The following GALNT13 variants were observed in gnomAD, a reference collection of about 807,000 sequenced individuals.
The protein encoded by GALNT13 is UDP-GalNAc:polypeptide N-acetylgalactosaminyltransferase 13.
GALNT13 carries 28 observed loss-of-function variants against 64.2 expected under a neutral mutation model. That is an observed-to-expected ratio of 0.44 (90% CI 0.32 to 0.60). The LOEUF is 0.60. Among genes scored for constraint, GALNT13 ranks in the 20% least tolerant of loss-of-function variants. The pLI is 0.05. For synonymous variants in GALNT13, 214 were observed against 224.6 expected, an observed-to-expected ratio of 0.95 and a Z score of 0.42; for missense variants, 577 against 669.8, an observed-to-expected ratio of 0.86 and a Z score of 1.53.
At chr2:153,242,179 C>T in the GALNT13 span, among the ~76,000 whole-genome samples, 1 of 152,150 alleles carries the variant, frequency 6.6e-6, no homozygotes, top group African/African-American at 2.4e-5. Context: ...AGCTCAGTAG[C>T]TAAGCCTTTA....
At chr2:153,084,569 G>A in the GALNT13 span, among the ~76,000 whole-genome samples, 1 of 152,120 alleles carries the variant, frequency 6.6e-6, no homozygotes, top group African/African-American at 2.4e-5. Context: ...ATTAAATTAT[G>A]GGGGCTGTTT....
the GALNT13 span, among the ~76,000 whole-genome samples, chr2:153,722,724 G>A: frequency 6.6e-6 from 1 of 152,182 alleles, no homozygotes; most frequent in South Asian, 2.1e-4. Context: ...TACATTCCTT[G>A]ACACATACAC....
chr2:154,002,460 G>C (rs1361542334), intron 3 of GALNT13, among the ~76,000 whole-genome samples: 3 of 151,438 alleles, frequency 2.0e-5, no homozygotes, highest in Non-Finnish European at 4.4e-5. Flanking sequence ...TTCTGGTGAG[G>C]TTTTTAATTC....
chr2:153,902,233 G>A (rs1688284662), intron 2 of GALNT13, among the ~76,000 whole-genome samples: 1 of 151,986 alleles, frequency 6.6e-6, no homozygotes, highest in Non-Finnish European at 1.5e-5. Flanking sequence ...AATCGTTCAT[G>A]CTCCCACACT....
chr2:154,418,482 C>T (rs749509588), intron 11 of GALNT13, among the ~76,000 whole-genome samples: 8 of 152,040 alleles, frequency 5.3e-5, no homozygotes, highest in Non-Finnish European at 8.8e-5. Context: ...GTGATGTGAC[C>T]ATAGTGGCAG....
the GALNT13 span, chr2:153,159,246 C>T: frequency 1.3e-5 from 2 of 152,196 alleles, no homozygotes; most frequent in South Asian, 4.1e-4. Flanking sequence ...CTCTACCATA[C>T]CAGTAGTAGA....
the GALNT13 span, among the ~76,000 whole-genome samples, chr2:153,432,717 G>A: frequency 5.3e-5 from 8 of 151,910 alleles, no homozygotes; most frequent in South Asian, 8.3e-4. Context: ...TTTGGCTGGG[G>A]GGTGGGGAGG....
At chr2:153,694,137 A>G in the GALNT13 span, among the ~76,000 whole-genome samples, 2 of 152,132 alleles carry the variant, frequency 1.3e-5, no homozygotes, top group Admixed American at 1.3e-4. Flanking sequence ...AGCAATCGTG[A>G]AATTACTGCT....
At chr2:153,587,005 A>G in the GALNT13 span, among the ~76,000 whole-genome samples, 1 of 152,020 alleles carries the variant, frequency 6.6e-6, no homozygotes, top group Non-Finnish European at 1.5e-5. Context: ...TCTGAGGCAG[A>G]TGGATCATTT....
chr2:154,158,352 T>C (rs1177187488), intron 4 of GALNT13, among the ~76,000 whole-genome samples: 1 of 152,164 alleles, frequency 6.6e-6, no homozygotes, highest in Non-Finnish European at 1.5e-5. Flanking sequence ...AACATCTGAC[T>C]CATCATCTCA....
At chr2:153,827,208 TC>T in the GALNT13 span, among the ~76,000 whole-genome samples, 1 of 152,132 alleles carries the variant, frequency 6.6e-6, no homozygotes, top group South Asian at 2.1e-4. Flanking sequence ...CCATTAGATC[TC>T]CTGGGACTTA....
chr2:154,152,450 T>G (rs1684102411), intron 4 of GALNT13, among the ~76,000 whole-genome samples: 1 of 152,200 alleles, frequency 6.6e-6, no homozygotes, highest in Admixed American at 6.5e-5. Flanking sequence ...TGGCGTTCTC[T>G]GTATTTCCTG....
chr2:153,643,544 C>CA, the GALNT13 span, among the ~76,000 whole-genome samples: 6 of 151,516 alleles, frequency 4.0e-5, no homozygotes, highest in South Asian at 1.2e-3. Context: ...ACCAAATTCT[C>CA]AAAAAATAAG....
chr2:154,198,530 C>A (rs1393707313), intron 4 of GALNT13, among the ~76,000 whole-genome samples: 1 of 151,752 alleles, frequency 6.6e-6, no homozygotes, highest in African/African-American at 2.4e-5. Context: ...GATGTGACTA[C>A]CATCCTGGAA....
At chr2:153,692,455 T>C in the GALNT13 span, among the ~76,000 whole-genome samples, 2 of 152,340 alleles carry the variant, frequency 1.3e-5, no homozygotes, top group African/African-American at 2.4e-5. Context: ...TTTTGGTCAG[T>C]AGAGAAGACA....
At chr2:153,158,025 G>T in the GALNT13 span, among the ~76,000 whole-genome samples, 11 of 152,008 alleles carry the variant, frequency 7.2e-5, no homozygotes, top group Non-Finnish European at 2.9e-5. Flanking sequence ...AATACCAATT[G>T]TTCTTTTTAC....
intron 2 of GALNT13, among the ~76,000 whole-genome samples, chr2:153,929,230 A>G (rs1024764423): frequency 6.6e-6 from 1 of 152,166 alleles, no homozygotes; most frequent in Non-Finnish European, 1.5e-5. Flanking sequence ...TGCCTATCAG[A>G]CAATGTGAGG....
intron 3 of GALNT13, among the ~76,000 whole-genome samples, chr2:154,079,435 A>C (rs1369462515): frequency 6.6e-6 from 1 of 151,626 alleles, no homozygotes; most frequent in East Asian, 1.9e-4. Context: ...AATTGATAAA[A>C]AATATATATA....
chr2:154,424,232 A>C (rs1361776983), intron 11 of GALNT13, among the ~76,000 whole-genome samples: 1 of 152,132 alleles, frequency 6.6e-6, no homozygotes, highest in African/African-American at 2.4e-5. Context: ...TATCACCAAG[A>C]AGTGAAATGC....
Sources: gnomAD v4.1 joint callset for allele counts (sites outside exome capture counted in the v4.1 genomes callset) on GRCh38, gnomAD v4.1.1 for gene constraint, MANE v1.5 for transcripts, NCBI Gene and HGNC (gene_info 2026-07-23, HGNC 2026-07-21) for gene names.